Variants in NFIX observed in about 807,000 individuals in gnomAD.
NFIX encodes the protein nuclear factor 1 X-type.
NFIX carries 2 observed loss-of-function variants against 53.3 expected under a neutral mutation model. The observed-to-expected ratio is 0.04, with a 90% confidence interval of 0.02 to 0.12. The LOEUF (loss-of-function observed/expected upper bound fraction) is 0.12, where lower values mean the gene tolerates loss of function less well. Among genes scored for constraint, NFIX ranks in the 10% least tolerant of loss-of-function variants. The pLI, the probability that NFIX is intolerant of heterozygous loss-of-function variation, is 1.00. For missense variants in NFIX, 310 were observed against 674.5 expected (o/e 0.46, Z 5.99); for synonymous variants, 244 against 289.0 (o/e 0.84, Z 1.58).
rs2015997568 is a variant in NFIX, at chr19:13,060,365, G to A, written c.560-12682G>A. On this transcript the variant is annotated intron_variant, in intron 2 of 10. Coordinates refer to ENST00000592199, the MANE Select transcript of NFIX (RefSeq NM_001365902.3). This position sits in a 1 kb window ranked among gnomAD's most constrained non-coding sequence, Gnocchi z 4.3. ...AGGGCCTATATCTGGAACGGGTGAA[G>A]GAGAGAGCCCGGGAGCCTCACTGTG... Among the ~76,000 whole-genome samples, 1 of 152,278 alleles carries A rather than the reference G, an allele frequency of 6.6e-6. No individual in the cohort carries two copies. The highest frequency in any genetic ancestry group is 2.4e-5 in the African/African-American group (1 of 41,484).
chr19:13,086,316 G>A (rs1179090562), intron 8 of NFIX, among the ~76,000 whole-genome samples: 1 of 152,172 alleles, frequency 6.6e-6, no homozygotes, highest in African/African-American at 2.4e-5. Flanking sequence ...GAGCTGATGT[G>A]GATTTGGGGG....
In NFIX at chr19:13,037,803, A is replaced by G. The variant is rs577236701; in HGVS notation, c.559+12251A>G. 6.6e-6 allele frequency among the ~76,000 whole-genome samples: 1 copy of G among 152,234 alleles called. No individual in the cohort carries two copies. The highest frequency in any genetic ancestry group is 1.5e-5 in the Non-Finnish European group (1 of 68,022). On this transcript the variant is annotated intron_variant, in intron 2 of 10. Transcript: ENST00000592199. This position sits in a 1 kb window ranked among gnomAD's most constrained non-coding sequence, Gnocchi z 4.2. The stretch of plus-strand genomic sequence containing the variant: ...ATGTCTGTGAACACTTTTGGTTGTC[A>G]CAGTTGTGGGGGGAGGGTGCTATTG...
Position 13,090,409 on chromosome 19 carries a change from C to G in NFIX, c.1494+19C>G, listed in dbSNP as rs780653279. 4.4e-6 allele frequency: 7 copies of G among 1,603,920 alleles called. No homozygotes were observed. Among genetic ancestry groups the G allele is most frequent in the Non-Finnish European group, 6.0e-6 (7 of 1,170,910 alleles). Reference sequence around the variant, plus strand: ...GTCTCAGGTAGGAGACCCTGCCCACCACCTGGATGCAGGGACCAGGGGAGT... The same window carrying G: ...GTCTCAGGTAGGAGACCCTGCCCACGACCTGGATGCAGGGACCAGGGGAGT... On this transcript the variant is annotated intron_variant, in intron 10 of 10. Coordinates refer to ENST00000592199, the MANE Select transcript of NFIX (RefSeq NM_001365902.3). The surrounding 1 kb of genome is among the most constrained non-coding windows in gnomAD (Gnocchi z 6.6).
At position 13,002,378 on chromosome 19, in the gene NFIX, C is replaced by A. The variant is rs557794800; in HGVS notation, c.27+6514C>A. ...AAGAAGGGCTAGCTCCCCAACCCCC[C>A]CTTCCTCACCACCTCCCCCCTCCCG... On this transcript the variant is annotated intron_variant, in intron 1 of 10. Transcript: ENST00000592199. This position sits in a 1 kb window ranked among gnomAD's most constrained non-coding sequence, Gnocchi z 6.1. Among the ~76,000 whole-genome samples, 58 of 152,084 alleles carry A rather than the reference C, an allele frequency of 3.8e-4. No homozygotes were observed. The highest frequency in any genetic ancestry group is 8.9e-4 in the African/African-American group (37 of 41,428).
Position 13,022,317 on chromosome 19 carries a change from C to T in NFIX, c.28-2704C>T, listed in dbSNP as rs2012986069. 6.6e-6 allele frequency among the ~76,000 whole-genome samples: 1 copy of T among 151,940 alleles called. No individual in the cohort carries two copies. Among genetic ancestry groups the T allele is most frequent in the Non-Finnish European group, 1.5e-5 (1 of 67,978 alleles). ...GGAGTGTGCGTGGCTGGGTGTGGGC[C>T]GAAGGAGGAGGCTGAGCTTGCTGGG... On this transcript the variant is annotated intron_variant, in intron 1 of 10. Transcript: ENST00000592199. This position sits in a 1 kb window ranked among gnomAD's most constrained non-coding sequence, Gnocchi z 4.5.
rs1437300630 is a variant in NFIX, at chr19:13,060,296, C to G, written c.560-12751C>G. ...GAGCCCAGCCCCCACTCTGAGGAAG[C>G]CTTGGATGGGCCATTCCTGGCCCAG... On this transcript the variant is annotated intron_variant, in intron 2 of 10. Transcript: ENST00000592199. The surrounding 1 kb of genome is among the most constrained non-coding windows in gnomAD (Gnocchi z 4.3). 6.6e-6 allele frequency among the ~76,000 whole-genome samples: 1 copy of G among 152,238 alleles called. No homozygotes were observed. Among genetic ancestry groups the G allele is most frequent in the African/African-American group, 2.4e-5 (1 of 41,466 alleles).
chr19:13,016,247 G>C (rs1307403378), intron 1 of NFIX, among the ~76,000 whole-genome samples: 5 of 152,144 alleles, frequency 3.3e-5, no homozygotes, highest in Non-Finnish European at 1.5e-5. Context: ...CCTCCAGCCT[G>C]CTTTGCTTAG....
intron 2 of NFIX, among the ~76,000 whole-genome samples, chr19:13,065,517 A>G (rs2016346607): frequency 6.6e-6 from 1 of 152,184 alleles, no homozygotes; most frequent in African/African-American, 2.4e-5. Flanking sequence ...AGGAGCCTGC[A>G]GGCCCACTCG....
chr19:13,073,301 C>G lies in NFIX; in HGVS notation c.623-121C>G, dbSNP rs925702317. The G allele has an allele frequency of 8.0e-6, 8 of 1,004,526 alleles. No individual in the cohort carries two copies. The highest frequency in any genetic ancestry group is 1.6e-5 in the African/African-American group (1 of 63,014). 62.2% of individuals were successfully genotyped at this position (1,004,526 alleles called of 1,614,324 possible). On this transcript the variant is annotated intron_variant, in intron 3 of 10. Coordinates refer to ENST00000592199, the MANE Select transcript of NFIX (RefSeq NM_001365902.3). The surrounding 1 kb of genome is among the most constrained non-coding windows in gnomAD (Gnocchi z 4.5). ...CCCCTGTTCGGTGTAGACCTGAGGG[C>G]TAGCCTGGAGCTGGAAACGGGACTT... is the stretch of plus-strand genomic sequence containing the variant.
In NFIX at chr19:13,067,855, C is replaced by T. The variant is rs1296552759; in HGVS notation, c.560-5192C>T. ...GCACGGTGGCTCACGCCTGTAATCC[C>T]AGCACTTTGGGAGGCTGAGACGGGC... On this transcript the variant is annotated intron_variant, in intron 2 of 10. Transcript: ENST00000592199. This position sits in a 1 kb window ranked among gnomAD's most constrained non-coding sequence, Gnocchi z 4.2. 2.6e-5 allele frequency among the ~76,000 whole-genome samples: 4 copies of T among 152,034 alleles called. No homozygotes were observed. The highest frequency in any genetic ancestry group is 9.7e-5 in the African/African-American group (4 of 41,368).
At chr19:13,091,726 G>A (rs1214918067) in intron 10 of NFIX, among the ~76,000 whole-genome samples, 2 of 152,188 alleles carry the variant, frequency 1.3e-5, no homozygotes, top group African/African-American at 2.4e-5. Flanking sequence ...GACAGCAGGC[G>A]GGCCTCCCCT....
intron 1 of NFIX, 148 bp from the exon 2 acceptor site, chr19:13,024,870 ATTG>A (rs2145189953): frequency 1.5e-6 from 2 of 1,321,142 alleles, no homozygotes; most frequent in Admixed American, 2.0e-5. Flanking sequence ...GCAAGAGAAA[ATTG>A]TTGGGGGGAG....
intron 1 of NFIX, among the ~76,000 whole-genome samples, chr19:13,004,427 C>T (rs576219413): frequency 2.0e-5 from 3 of 152,264 alleles, no homozygotes; most frequent in Non-Finnish European, 2.9e-5. Flanking sequence ...GCACAGTCGG[C>T]GTGCCATGTA....
At position 13,045,434 on chromosome 19, in the gene NFIX, C is replaced by G. The variant is rs562300084; in HGVS notation, c.559+19882C>G. ...CTCGTGGGTGGAGGCTGGGATGCTGCTAGCTGTCCTACACTGCACAAGACG... is the reference window on the plus strand; with the variant it reads ...CTCGTGGGTGGAGGCTGGGATGCTGGTAGCTGTCCTACACTGCACAAGACG... On this transcript the variant is annotated intron_variant, in intron 2 of 10. Transcript: ENST00000592199. The surrounding 1 kb of genome is among the most constrained non-coding windows in gnomAD (Gnocchi z 4.4). 1.3e-5 allele frequency among the ~76,000 whole-genome samples: 2 copies of G among 152,062 alleles called. No homozygotes were observed. Among genetic ancestry groups the G allele is most frequent in the Non-Finnish European group, 2.9e-5 (2 of 68,002 alleles).
chr19:13,055,344 C>T (rs114399823), intron 2 of NFIX, among the ~76,000 whole-genome samples: 1,859 of 152,256 alleles, frequency 0.012, 42 homozygotes, highest in African/African-American at 0.042. Context: ...TGCCCTTCCC[C>T]GAGGGCCTGC....
Position 13,067,461 on chromosome 19 carries a change from CGCGTGTGTGTGTGTGTGTGTGCGT to C in NFIX, c.560-5584_560-5561del, listed in dbSNP as rs919340510. 3.5e-5 allele frequency among the ~76,000 whole-genome samples: 5 copies of C among 140,936 alleles called. No individual in the cohort carries two copies. Among genetic ancestry groups the C allele is most frequent in the African/African-American group, 1.4e-4 (5 of 35,638 alleles). 92.5% of individuals were successfully genotyped at this position (140,936 alleles called of 152,430 possible). A position where few individuals can be genotyped will look rare whatever the true frequency, so the allele number is the denominator to read the frequency against. On this transcript the variant is annotated intron_variant, in intron 2 of 10. Transcript: ENST00000592199. This position sits in a 1 kb window ranked among gnomAD's most constrained non-coding sequence, Gnocchi z 4.2. ...TTAGTGGCACCTCCGTGTGTGTGCG[CGCGTGTGTGTGTGTGTGTGTGCGT>C]GTGTGTGTGTGTGTGTGTGTATGTG...
chr19:13,079,120 G>T (rs1053596496), intron 7 of NFIX, among the ~76,000 whole-genome samples: 1 of 152,244 alleles, frequency 6.6e-6, no homozygotes, highest in African/African-American at 2.4e-5. Flanking sequence ...CTCTCTCCCA[G>T]CTCCTGGCTG....
At position 13,002,750 on chromosome 19, in the gene NFIX, G is replaced by A. The variant is rs1170600032; in HGVS notation, c.27+6886G>A. Among the ~76,000 whole-genome samples, 3 of 152,170 alleles carry A rather than the reference G, an allele frequency of 2.0e-5. No individual in the cohort carries two copies. Among genetic ancestry groups the A allele is most frequent in the Non-Finnish European group, 2.9e-5 (2 of 68,006 alleles). On this transcript the variant is annotated intron_variant, in intron 1 of 10. Transcript: ENST00000592199. This position sits in a 1 kb window ranked among gnomAD's most constrained non-coding sequence, Gnocchi z 6.1. The stretch of plus-strand genomic sequence containing the variant: ...GCACTGCGGCGCTCTGCAGCCAATC[G>A]GAAGCCGGGGTTGCACTGGGGAGCT...
intron 2 of NFIX, chr19:13,069,695 G>A (rs1226441535): frequency 1.3e-5 from 2 of 152,346 alleles, no homozygotes; most frequent in Non-Finnish European, 2.9e-5. Context: ...GTGGAGAACA[G>A]AGCCCTGCTG....
Sources: allele counts gnomAD v4.1 joint callset (sites outside exome capture counted in the v4.1 genomes callset), GRCh38; gene constraint gnomAD v4.1.1; non-coding constraint Gnocchi (gnomAD v3.1); transcripts MANE v1.5; gene names NCBI Gene and HGNC (gene_info 2026-07-23, HGNC 2026-07-21).